The following EPHA6 variants were observed in gnomAD, a reference collection of about 807,000 sequenced individuals.
EPHA6 encodes the protein ephrin type-A receptor 6.
In EPHA6, 50 loss-of-function variants were observed where a neutral mutation model predicts 112.0. The observed-to-expected ratio is 0.45, with a 90% CI of 0.36 to 0.56. The LOEUF is 0.56. EPHA6 is among the 20% of genes least tolerant of loss of function. The pLI, the probability that EPHA6 is intolerant of heterozygous loss-of-function variation, is 0.00. For missense variants in EPHA6, 1,280 were observed against 1,417.4 expected, an observed-to-expected ratio of 0.90 and a Z score of 1.56; for synonymous variants, 529 against 490.7, an observed-to-expected ratio of 1.08 and a Z score of -1.03.
At chr3:96,855,544 G>T (rs2035642906) in intron 1 of EPHA6, among the ~76,000 whole-genome samples, 1 of 152,092 alleles carries the variant, frequency 6.6e-6, no homozygotes, top group Non-Finnish European at 1.5e-5. Flanking sequence ...GAGTTCAGAT[G>T]TGAACATGTT....
rs1358548080 is a variant in EPHA6, at chr3:97,555,858, T to G, written c.2386+23315T>G. On this transcript the variant is annotated intron_variant, in intron 11 of 17. Transcript: ENST00000389672. ...TGTCAGACGAGTAGGTTGCGAAAAT[T>G]TTCTCCCATTTTGTAGGTTGCCTGT... Among the ~76,000 whole-genome samples the G allele has an allele frequency of 1.6e-4, 25 of 152,106 alleles. 1 individual carries two copies.
At chr3:97,680,443 G>A (rs761282100) in intron 14 of EPHA6, among the ~76,000 whole-genome samples, 1 of 152,164 alleles carries the variant, frequency 6.6e-6, no homozygotes, top group Non-Finnish European at 1.5e-5. Context: ...TCAGTTCCTT[G>A]AGGGAGACAT....
chr3:97,157,250 ATAACT>A (rs750181636), intron 3 of EPHA6, among the ~76,000 whole-genome samples: 18 of 152,194 alleles, frequency 1.2e-4, no homozygotes, highest in Non-Finnish European at 2.6e-4. Context: ...TCTTTATGAA[ATAACT>A]TATATTCTTA....
chr3:97,445,609 A>T (rs1027956171), intron 6 of EPHA6, among the ~76,000 whole-genome samples: 1 of 152,118 alleles, frequency 6.6e-6, no homozygotes, highest in Non-Finnish European at 1.5e-5. Context: ...TGAGTTAAGC[A>T]TGAAGCATAA....
intron 2 of EPHA6, among the ~76,000 whole-genome samples, chr3:96,944,188 C>G (rs1167628870): frequency 6.6e-6 from 1 of 152,204 alleles, no homozygotes; most frequent in Non-Finnish European, 1.5e-5. Flanking sequence ...CAACTCAACT[C>G]CAGATCATTT....
At chr3:96,864,720 T>TA (rs2036206686) in intron 1 of EPHA6, among the ~76,000 whole-genome samples, 1 of 151,972 alleles carries the variant, frequency 6.6e-6, no homozygotes, top group Non-Finnish European at 1.5e-5. Flanking sequence ...ATCTAACTGA[T>TA]AAGACATGGG....
chr3:97,047,191 A>C (rs557771428), intron 3 of EPHA6, among the ~76,000 whole-genome samples: 2 of 152,082 alleles, frequency 1.3e-5, no homozygotes, highest in Non-Finnish European at 1.5e-5. Context: ...ATTTAATAAT[A>C]AATTTCTGTA....
At chr3:97,564,726 G>C (rs942998202) in intron 11 of EPHA6, among the ~76,000 whole-genome samples, 2 of 151,954 alleles carry the variant, frequency 1.3e-5, no homozygotes, top group African/African-American at 4.8e-5. Flanking sequence ...ACATTTTGTT[G>C]GGTTTGATAC....
chr3:97,401,933 C>A lies in EPHA6; in HGVS notation c.1607-3217C>A, dbSNP rs539662004. On this transcript the variant is annotated intron_variant, in intron 5 of 17. Transcript: ENST00000389672. ...ATTTGTTTATTTGGTAACTCAGAAGCATTTTGTTTAATTTCCACGTGTTTG... is the reference window on the plus strand; with the variant it reads ...ATTTGTTTATTTGGTAACTCAGAAGAATTTTGTTTAATTTCCACGTGTTTG... Among the ~76,000 whole-genome samples, 4 of 151,944 alleles carry A rather than the reference C, an allele frequency of 2.6e-5. No individual in the cohort carries two copies. The South Asian group carries it at 8.3e-4, about 32-fold the overall frequency.
At chr3:97,041,835 AACTC>A (rs1205902943) in intron 3 of EPHA6, among the ~76,000 whole-genome samples, 4 of 152,002 alleles carry the variant, frequency 2.6e-5, no homozygotes, top group Non-Finnish European at 5.9e-5. Context: ...ATCTCCTGAG[AACTC>A]ACTCACTATC....
intron 3 of EPHA6, among the ~76,000 whole-genome samples, chr3:96,992,162 T>C (rs2043240425): frequency 6.6e-6 from 1 of 152,076 alleles, no homozygotes; most frequent in African/African-American, 2.4e-5. Context: ...TATGAAGTGG[T>C]TTTTCTCTCT....
At chr3:97,690,780 T>A (rs1186813028) in intron 14 of EPHA6, among the ~76,000 whole-genome samples, 1 of 152,232 alleles carries the variant, frequency 6.6e-6, no homozygotes, top group Admixed American at 6.5e-5. Context: ...GCCCATTTTT[T>A]AAATTGAGCT....
At chr3:97,124,045 A>G (rs891976538) in intron 3 of EPHA6, among the ~76,000 whole-genome samples, 2 of 152,132 alleles carry the variant, frequency 1.3e-5, no homozygotes, top group African/African-American at 2.4e-5. Context: ...TAATAAACCA[A>G]CATTTATGTT....
chr3:97,501,616 G>C (rs1177853010), intron 10 of EPHA6, among the ~76,000 whole-genome samples: 1 of 151,734 alleles, frequency 6.6e-6, no homozygotes, highest in East Asian at 1.9e-4. Flanking sequence ...ATATAATTTA[G>C]AAAATTTCTA....
At position 96,971,380 on chromosome 3, in the gene EPHA6, A is replaced by T. The variant is rs562768106; in HGVS notation, c.451-15950A>T. 2.0e-5 allele frequency among the ~76,000 whole-genome samples: 3 copies of T among 152,296 alleles called. No individual in the cohort carries two copies. The East Asian group carries it at 5.8e-4, about 29-fold the overall frequency. On this transcript the variant is annotated intron_variant, in intron 2 of 17. Coordinates refer to ENST00000389672, the MANE Select transcript of EPHA6 (RefSeq NM_001080448.3). ...AATATCTTTGTAGTGTTAATAAAAA[A>T]GTTTTAAGTTTGCCCAAAGTGAAAT...
chr3:97,312,957 T>C (rs2081630097), intron 5 of EPHA6, among the ~76,000 whole-genome samples: 1 of 151,480 alleles, frequency 6.6e-6, no homozygotes. Flanking sequence ...TGTTTACATA[T>C]ACATTATTAT....
intron 2 of EPHA6, among the ~76,000 whole-genome samples, chr3:96,915,495 A>G (rs1035302420): frequency 6.6e-6 from 1 of 152,014 alleles, no homozygotes; most frequent in South Asian, 2.1e-4. Flanking sequence ...TTTACCTACT[A>G]TTTTACCTAT....
At chr3:97,559,444 TG>T (rs1462758732) in intron 11 of EPHA6, 6 of 305,316 alleles carry the variant, frequency 2.0e-5, no homozygotes, top group African/African-American at 1.1e-4. Context: ...GAAAAACAGT[TG>T]GGAGCCACTC....
intron 5 of EPHA6, among the ~76,000 whole-genome samples, chr3:97,363,829 A>G (rs568739165): frequency 1.3e-5 from 2 of 152,280 alleles, no homozygotes; most frequent in Admixed American, 6.5e-5. Flanking sequence ...TCCTTAAAAC[A>G]GAAGGAAATT....
Sources: allele counts gnomAD v4.1 joint callset (sites outside exome capture counted in the v4.1 genomes callset), GRCh38; gene constraint gnomAD v4.1.1; transcripts MANE v1.5; gene names NCBI Gene and HGNC (gene_info 2026-07-23, HGNC 2026-07-21).